EEFSEC: variants seen among roughly 807,000 people sequenced by gnomAD.
EEFSEC encodes eukaryotic elongation factor, selenocysteine-tRNA specific, also known as selenocysteine-specific elongation factor.
EEFSEC carries 43 observed loss-of-function variants against 42.1 expected under a neutral mutation model. The ratio of observed to expected loss-of-function variants is 1.02; its 90% CI spans 0.80 to 1.32. The LOEUF (loss-of-function observed/expected upper bound fraction) is 1.32, where lower values mean the gene tolerates loss of function less well. Ranked by LOEUF, EEFSEC falls within the 40% of genes most tolerant of loss-of-function variation. EEFSEC has a pLI of 0.00. For missense variants in EEFSEC, 745 were observed against 803.6 expected (o/e 0.93, Z 0.88); for synonymous variants, 354 against 339.1 (o/e 1.04, Z -0.48).
intron 6 of EEFSEC, among the ~76,000 whole-genome samples, chr3:128,361,160 C>T (rs2067521931): frequency 6.6e-6 from 1 of 152,140 alleles, no homozygotes. Context: ...CTCTACAGGG[C>T]ATCCGGGCTG....
At chr3:128,308,525 C>T (rs568648621) in intron 4 of EEFSEC, among the ~76,000 whole-genome samples, 1 of 152,362 alleles carries the variant, frequency 6.6e-6, no homozygotes, top group African/African-American at 2.4e-5. Context: ...CATTTAATCG[C>T]ACAGCTATTG....
intron 1 of EEFSEC, among the ~76,000 whole-genome samples, chr3:128,164,516 A>G (rs896467160): frequency 2.0e-5 from 3 of 152,162 alleles, no homozygotes; most frequent in African/African-American, 7.2e-5. Context: ...GCCCTGGCTA[A>G]AGAAGGGGAG....
chr3:128,376,308 G>T (rs1307837188), intron 6 of EEFSEC, among the ~76,000 whole-genome samples: 2 of 152,344 alleles, frequency 1.3e-5, no homozygotes, highest in Admixed American at 6.5e-5. Context: ...GGTGTTTGCT[G>T]CAAGCAGGAA....
At chr3:128,249,932 C>T (rs1479905366) in intron 2 of EEFSEC, among the ~76,000 whole-genome samples, 1 of 152,070 alleles carries the variant, frequency 6.6e-6, no homozygotes, top group African/African-American at 2.4e-5. Context: ...TTCAATTCCT[C>T]TCAGTACATC....
At chr3:128,192,578 C>T (rs1292991081) in intron 1 of EEFSEC, among the ~76,000 whole-genome samples, 2 of 152,214 alleles carry the variant, frequency 1.3e-5, no homozygotes, top group African/African-American at 4.8e-5. Flanking sequence ...ATAGTGCTTA[C>T]ACTCTTCTGC....
chr3:128,172,362 T>C (rs2065307576), intron 1 of EEFSEC, among the ~76,000 whole-genome samples: 1 of 152,264 alleles, frequency 6.6e-6, no homozygotes, highest in Non-Finnish European at 1.5e-5. Context: ...TCTCTGAGCC[T>C]GTCTGTGCAC....
At position 128,216,404 on chromosome 3, in the gene EEFSEC, G is replaced by A. The variant is rs143015627; in HGVS notation, c.317-30432G>A. Among the ~76,000 whole-genome samples, 81 of 152,292 alleles carry A rather than the reference G, an allele frequency of 5.3e-4. 1 individual carries two copies. In the East Asian group the frequency reaches 0.015, roughly 28 times the overall value. On this transcript the variant is annotated intron_variant, in intron 1 of 6. Coordinates refer to ENST00000254730, the MANE Select transcript of EEFSEC (RefSeq NM_021937.5). The stretch of plus-strand genomic sequence containing the variant: ...TTGTAGAAGCCGAAACTAGCTCAAG[G>A]TGGCTCTAGTAAAAGGATTTGTTGG...
chr3:128,420,195 C>G, the EEFSEC span, among the ~76,000 whole-genome samples: 1 of 152,228 alleles, frequency 6.6e-6, no homozygotes, highest in East Asian at 1.9e-4. Context: ...GGCTGTCACA[C>G]ACGCGCGTGG....
At chr3:128,235,866 G>GC (rs34874738) in intron 1 of EEFSEC, among the ~76,000 whole-genome samples, 128,490 of 152,038 alleles carry the variant, frequency 0.85, 54,675 homozygotes, top group East Asian at 0.99. Context: ...GCCATTTGCC[G>GC]TTGTGCTGCT....
chr3:128,197,484 G>A (rs1213828129), intron 1 of EEFSEC, among the ~76,000 whole-genome samples: 3 of 152,170 alleles, frequency 2.0e-5, no homozygotes, highest in African/African-American at 7.2e-5. Flanking sequence ...TATTGGCCAG[G>A]CTGATTTCGA....
chr3:128,256,866 C>G (rs1247427219), intron 2 of EEFSEC, among the ~76,000 whole-genome samples: 1 of 152,178 alleles, frequency 6.6e-6, no homozygotes, highest in African/African-American at 2.4e-5. Context: ...GCTTCAGCCT[C>G]TTAAGAAGCT....
At chr3:128,414,111 G>A in the EEFSEC span, among the ~76,000 whole-genome samples, 1 of 152,232 alleles carries the variant, frequency 6.6e-6, no homozygotes, top group Non-Finnish European at 1.5e-5. Context: ...TCCCGCCAAC[G>A]TCTAGTTCAC....
rs184915221 is a variant in EEFSEC at position 128,331,244 on chromosome 3, C to T, written c.787-9989C>T. On this transcript the variant is annotated intron_variant, in intron 4 of 6. Transcript: ENST00000254730. Reference sequence around the variant, plus strand: ...CTTCTCCCCTTCCTCAGTGCATCTCCCCTCTTCCCCCCTTCCTCAGTACAT... The same window carrying T: ...CTTCTCCCCTTCCTCAGTGCATCTCTCCTCTTCCCCCCTTCCTCAGTACAT... Among the ~76,000 whole-genome samples the T allele has an allele frequency of 2.3e-3, 113 of 49,416 alleles. 3 individuals are homozygous for T. Among genetic ancestry groups the T allele is most frequent in the African/African-American group, 0.011 (111 of 10,140 alleles). The allele number at this position is 49,416 out of a possible 152,430, so 32.4% of individuals were successfully genotyped here. A position where few individuals can be genotyped will look rare whatever the true frequency, so the allele number is the denominator to read the frequency against.
At chr3:128,260,795 C>T (rs1018949887) in intron 2 of EEFSEC, among the ~76,000 whole-genome samples, 2 of 152,196 alleles carry the variant, frequency 1.3e-5, no homozygotes, top group African/African-American at 4.8e-5. Flanking sequence ...TTGCTCAAGC[C>T]TTTGGTTAAT....
chr3:128,209,512 C>T (rs1052679622), intron 1 of EEFSEC, among the ~76,000 whole-genome samples: 2 of 152,218 alleles, frequency 1.3e-5, no homozygotes, highest in Admixed American at 1.3e-4. Flanking sequence ...ACTCAAACTA[C>T]AGTCATTTTA....
intron 6 of EEFSEC, among the ~76,000 whole-genome samples, chr3:128,398,223 G>C (rs529501958): frequency 6.6e-6 from 1 of 152,290 alleles, no homozygotes; most frequent in South Asian, 2.1e-4. Flanking sequence ...CTAGGGGAAG[G>C]CTGGGCAGGC....
chr3:128,292,325 G>A (rs902521347), intron 4 of EEFSEC, among the ~76,000 whole-genome samples: 13 of 151,350 alleles, frequency 8.6e-5, no homozygotes, highest in Non-Finnish European at 1.5e-4. Flanking sequence ...ACATTATTCT[G>A]GCCTCATAAA....
In EEFSEC at chr3:128,237,923, T is replaced by C. The variant is rs149509141; in HGVS notation, c.317-8913T>C. On this transcript the variant is annotated intron_variant, in intron 1 of 6. Transcript: ENST00000254730. ...CTCTATCCTCAGGGCCTTGCCCACC[T>C]GCTCTTTGGGATGCCTTAGGGTTCC... 2.4e-4 allele frequency among the ~76,000 whole-genome samples: 37 copies of C among 152,346 alleles called. No homozygotes were observed. The East Asian group carries it at 6.9e-3, about 29-fold the overall frequency.
chr3:128,412,857 A>G (rs772736523), downstream of EEFSEC, among the ~76,000 whole-genome samples: 2 of 152,126 alleles, frequency 1.3e-5, no homozygotes, highest in Non-Finnish European at 2.9e-5. Flanking sequence ...TTTGCTGAGC[A>G]CTGGTGATGC....
Sources: allele counts gnomAD v4.1 joint callset (sites outside exome capture counted in the v4.1 genomes callset), GRCh38; gene constraint gnomAD v4.1.1; transcripts MANE v1.5; gene names NCBI Gene and HGNC (gene_info 2026-07-23, HGNC 2026-07-21).